The following RWDD2A variants were observed in gnomAD, a reference collection of about 807,000 sequenced individuals.
RWDD2A encodes the protein RWD domain-containing protein 2A.
Under a neutral mutation model 23.1 loss-of-function variants are expected in RWDD2A, and 15 were observed. That is an observed-to-expected ratio of 0.65 (90% CI 0.43 to 1.00). The LOEUF (loss-of-function observed/expected upper bound fraction) is 1.00. Among genes scored for constraint, RWDD2A ranks in the 50% least tolerant of loss-of-function variants. RWDD2A has a pLI of 0.00. For synonymous variants in RWDD2A, 103 were observed against 123.0 expected (o/e 0.84, Z 1.08); for missense variants, 310 against 341.7 (o/e 0.91, Z 0.73).
In RWDD2A at chr6:83,194,337, A is replaced by G; in HGVS notation, c.-115A>G. ...CTCTCGGTGCAAAGCGTTCCTGCAGAATTGCTTCCACGTAAAGGGACCTTC... is the reference window on the plus strand; with the variant it reads ...CTCTCGGTGCAAAGCGTTCCTGCAGGATTGCTTCCACGTAAAGGGACCTTC... On this transcript the variant is annotated 5_prime_UTR_variant, in exon 2 of 3. Transcript: ENST00000369724. 1 of 824,104 alleles carries G rather than the reference A, an allele frequency of 1.2e-6. No homozygotes were observed. 51.0% of individuals were successfully genotyped at this position (824,104 alleles called of 1,614,324 possible). A position where few individuals can be genotyped will look rare whatever the true frequency, so the allele number is the denominator to read the frequency against.
Position 83,195,715 on chromosome 6 carries a change from T to C in RWDD2A, c.322T>C (p.Ser108Pro), listed in dbSNP as rs1389130896. Residue 108 changes from serine to proline, a missense_variant, in exon 3 of 3, where the codon TCT becomes CCT. Ser to Pro is a moderately conservative substitution (Grantham distance 74). Coordinates refer to ENST00000369724, the MANE Select transcript of RWDD2A (RefSeq NM_033411.5). ...QQLLLNKGLT[S>P]YIGTFDPGEL... ...GCTACTTCTCAACAAAGGTCTCACTTCTTACATAGGGACTTTTGATCCAGG... is the reference window on the plus strand; with the variant it reads ...GCTACTTCTCAACAAAGGTCTCACTCCTTACATAGGGACTTTTGATCCAGG... The C allele has an allele frequency of 8.7e-6, 14 of 1,614,190 alleles. No individual in the cohort carries two copies. Among genetic ancestry groups the C allele is most frequent in the Non-Finnish European group, 1.1e-5 (13 of 1,180,044 alleles).
In RWDD2A at chr6:83,198,411, A is replaced by T. The variant is rs1278482907; in HGVS notation, c.*2139A>T. ...ACTTTTTTTCCTATCAGGAAAACTA[A>T]TGCAGATAGTATTATGGGGACGTGT... On this transcript the variant is annotated 3_prime_UTR_variant, in exon 3 of 3. Transcript: ENST00000369724. 6.6e-6 allele frequency: 1 copy of T among 152,220 alleles called. No homozygotes were observed. The highest frequency in any genetic ancestry group is 2.4e-5 in the African/African-American group (1 of 41,460). 9.4% of individuals were successfully genotyped at this position (152,220 alleles called of 1,614,324 possible). A position where few individuals can be genotyped will look rare whatever the true frequency, so the allele number is the denominator to read the frequency against.
rs1789596150 is a variant in RWDD2A at position 83,196,518 on chromosome 6, A to T, written c.*246A>T. ...TTCAAAAACTATTTCATTGTAAATTAATAAAAACAATCCATTTAACTTGTG... is the reference window on the plus strand; with the variant it reads ...TTCAAAAACTATTTCATTGTAAATTTATAAAAACAATCCATTTAACTTGTG... On this transcript the variant is annotated 3_prime_UTR_variant, in exon 3 of 3. Coordinates refer to ENST00000369724, the MANE Select transcript of RWDD2A (RefSeq NM_033411.5). The T allele has an allele frequency of 3.7e-6, 1 of 267,960 alleles. No homozygotes were observed. Among genetic ancestry groups the T allele is most frequent in the African/African-American group, 2.2e-5 (1 of 45,592 alleles). The allele number at this position is 267,960 out of a possible 1,614,324, so 16.6% of individuals were successfully genotyped here. A position where few individuals can be genotyped will look rare whatever the true frequency, so the allele number is the denominator to read the frequency against.
Position 83,195,992 on chromosome 6 carries a change from TC to T in RWDD2A, c.600del (p.Phe200LeufsTer56). The T allele has an allele frequency of 6.2e-7, 1 of 1,614,210 alleles. No individual in the cohort carries two copies. Among genetic ancestry groups the T allele is most frequent in the Non-Finnish European group, 8.5e-7 (1 of 1,180,028 alleles). On this transcript the variant is annotated frameshift_variant, in exon 3 of 3. Coordinates refer to ENST00000369724, the MANE Select transcript of RWDD2A (RefSeq NM_033411.5). LOFTEE classifies it high-confidence loss of function. ...GKPGIICVEG[F>X]KEHCEEFWHT... Reference sequence around the variant, plus strand: ...CCTGGTATAATCTGTGTGGAGGGTTTCAAAGAGCACTGTGAGGAGTTCTGGC... The same window carrying T: ...CCTGGTATAATCTGTGTGGAGGGTTTAAAGAGCACTGTGAGGAGTTCTGGC...
Position 83,195,610 on chromosome 6 carries a change from C to T in RWDD2A, c.217C>T (p.Gln73Ter), listed in dbSNP as rs771771551. Residue 73 changes from glutamine to a stop codon, truncating the protein, a stop_gained, in exon 3 of 3, where the codon CAA (glutamine) becomes TAA (stop). Transcript: ENST00000369724. LOFTEE classifies it high-confidence loss of function. Reference sequence around the variant, plus strand: ...TCATTTTAAGGTGAAAATTGATTTGCAAGTGACCATGCCTCACAGCTACCC... The same window carrying T: ...TCATTTTAAGGTGAAAATTGATTTGTAAGTGACCATGCCTCACAGCTACCC... The part of the protein sequence containing the change: ...IEEPKVKIDL[Q>*]VTMPHSYPYV... The T allele has an allele frequency of 6.2e-7, 1 of 1,607,332 alleles. No homozygotes were observed. Among genetic ancestry groups the T allele is most frequent in the Admixed American group, 1.7e-5 (1 of 59,762 alleles).
Position 83,195,744 on chromosome 6 carries a change from G to A in RWDD2A, c.351G>A (p.Glu117=). The change falls in exon 3 of 3, where the codon GAG becomes GAA. Residue 117 remains glutamate, a synonymous_variant. Coordinates refer to ENST00000369724, the MANE Select transcript of RWDD2A (RefSeq NM_033411.5). The stretch of plus-strand genomic sequence containing the variant: ...ACATAGGGACTTTTGATCCAGGTGA[G>A]CTCTGTGTATGTGCAGCAATCCAGT... ...TSYIGTFDPG[E]LCVCAAIQWL... The A allele has an allele frequency of 1.9e-6, 3 of 1,614,158 alleles. No homozygotes were observed. Among genetic ancestry groups the A allele is most frequent in the Non-Finnish European group, 2.5e-6 (3 of 1,180,038 alleles).
At position 83,193,387 on chromosome 6, in the gene RWDD2A, C is replaced by T. The variant is rs1789337758; in HGVS notation, c.-197C>T. On this transcript the variant is annotated 5_prime_UTR_variant, in exon 1 of 3. Coordinates refer to ENST00000369724, the MANE Select transcript of RWDD2A (RefSeq NM_033411.5). ...TCGCGCGCAGCTGGCGCCTGAGGAA[C>T]TGCGGCTGCGGTTCCGAGCGGGGTC... 6.6e-6 allele frequency: 1 copy of T among 152,344 alleles called. No individual in the cohort carries two copies. The highest frequency in any genetic ancestry group is 1.5e-5 in the Non-Finnish European group (1 of 68,120). The allele number at this position is 152,344 out of a possible 1,614,324, so 9.4% of individuals were successfully genotyped here. A position where few individuals can be genotyped will look rare whatever the true frequency, so the allele number is the denominator to read the frequency against.
rs1450262664 is a variant in RWDD2A, at chr6:83,193,377, G to T, written c.-207G>T. ...TCGCCGCAGGTCGCGCGCAGCTGGC[G>T]CCTGAGGAACTGCGGCTGCGGTTCC... On this transcript the variant is annotated 5_prime_UTR_variant, in exon 1 of 3. Coordinates refer to ENST00000369724, the MANE Select transcript of RWDD2A (RefSeq NM_033411.5). The T allele has an allele frequency of 6.6e-6, 1 of 152,312 alleles. No homozygotes were observed. Among genetic ancestry groups the T allele is most frequent in the Non-Finnish European group, 1.5e-5 (1 of 68,112 alleles). 9.4% of individuals were successfully genotyped at this position (152,312 alleles called of 1,614,324 possible). A position where few individuals can be genotyped will look rare whatever the true frequency, so the allele number is the denominator to read the frequency against.
rs1789652791 is a variant in RWDD2A, at chr6:83,197,881, CAG to C, written c.*1610_*1611del. 2 of 152,244 alleles carry C rather than the reference CAG, an allele frequency of 1.3e-5. No homozygotes were observed. Among genetic ancestry groups the C allele is most frequent in the African/African-American group, 4.8e-5 (2 of 41,454 alleles). The allele number at this position is 152,244 out of a possible 1,614,324, so 9.4% of individuals were successfully genotyped here. A position where few individuals can be genotyped will look rare whatever the true frequency, so the allele number is the denominator to read the frequency against. ...TCTTAGGTCACAATGAGTGTCCTCT[CAG>C]GGCACAACTCAGATCTTCAACCCAT... On this transcript the variant is annotated 3_prime_UTR_variant, in exon 3 of 3. Coordinates refer to ENST00000369724, the MANE Select transcript of RWDD2A (RefSeq NM_033411.5).
rs1343366238 is a variant in RWDD2A at position 83,198,839 on chromosome 6, T to A, written c.*2567T>A. ...TTAAGAATCTGGATATTCTGTTTATTATATTCTTAAATGGTTATTTGGAAA... is the reference window on the plus strand; with the variant it reads ...TTAAGAATCTGGATATTCTGTTTATAATATTCTTAAATGGTTATTTGGAAA... On this transcript the variant is annotated 3_prime_UTR_variant, in exon 3 of 3. Transcript: ENST00000369724. 8.0e-6 allele frequency: 1 copy of A among 125,130 alleles called. No individual in the cohort carries two copies. Among genetic ancestry groups the A allele is most frequent in the African/African-American group, 2.5e-5 (1 of 39,648 alleles). 7.8% of individuals were successfully genotyped at this position (125,130 alleles called of 1,614,324 possible).
At chr6:83,194,793 T>G in intron 2 of RWDD2A, 141 bp downstream of exon 2, 1 of 656,420 alleles carries the variant, frequency 1.5e-6, no homozygotes, top group South Asian at 2.0e-5. Context: ...CTCTATAAAT[T>G]GTCTTCAGTA....
chr6:83,194,060 G>T (rs1369056962), intron 1 of RWDD2A: 2 of 158,410 alleles, frequency 1.3e-5, no homozygotes, highest in Admixed American at 1.2e-4. Context: ...TGGAAGCCGG[G>T]CCCCAGCCTT....
At position 83,198,893 on chromosome 6, in the gene RWDD2A, CTT is replaced by C. The variant is rs766721192; in HGVS notation, c.*2625_*2626del. The C allele has an allele frequency of 1.1e-4, 16 of 152,264 alleles. No individual in the cohort carries two copies. The East Asian group carries it at 1.5e-3, about 15-fold the overall frequency. 9.4% of individuals were successfully genotyped at this position (152,264 alleles called of 1,614,324 possible). A position where few individuals can be genotyped will look rare whatever the true frequency, so the allele number is the denominator to read the frequency against. On this transcript the variant is annotated 3_prime_UTR_variant, in exon 3 of 3. Transcript: ENST00000369724. ...TGCTCATTTATAAAAGTTACAGTGT[CTT>C]TTTAAAGTTTGCTGAAGTAAATGAA...
rs1390386604 is a variant in RWDD2A, at chr6:83,194,647, C to A, written c.196C>A (p.Pro66Thr). 1 of 1,613,342 alleles carries A rather than the reference C, an allele frequency of 6.2e-7. No homozygotes were observed. Among genetic ancestry groups the A allele is most frequent in the Non-Finnish European group, 8.5e-7 (1 of 1,179,616 alleles). Residue 66 changes from proline to threonine, a missense_variant, in exon 2 of 3, where the codon CCC (proline) becomes ACC (threonine). Coordinates refer to ENST00000369724, the MANE Select transcript of RWDD2A (RefSeq NM_033411.5). ...TGTAATTACACTCCAGATTGAAGAGCCCAAGGTAGGTACCCTGATTTAAGT... is the reference window on the plus strand; with the variant it reads ...TGTAATTACACTCCAGATTGAAGAGACCAAGGTAGGTACCCTGATTTAAGT... ...EFVITLQIEE[P>T]KVKIDLQVTM...
At position 83,196,154 on chromosome 6, in the gene RWDD2A, G is replaced by T. The variant is rs774291194; in HGVS notation, c.761G>T (p.Gly254Val). 1 of 1,613,918 alleles carries T rather than the reference G, an allele frequency of 6.2e-7. No individual in the cohort carries two copies. The highest frequency in any genetic ancestry group is 1.1e-5 in the South Asian group (1 of 90,996). Residue 254 changes from glycine (G) to valine (V), a missense_variant, in exon 3 of 3, where the codon GGA becomes GTA. Gly to Val is a moderately radical substitution (Grantham distance 109). Coordinates refer to ENST00000369724, the MANE Select transcript of RWDD2A (RefSeq NM_033411.5). ...ELLLEAHGDY[G>V]LRNDYHMNLG... ...CTCCTTGAGGCTCATGGTGACTATG[G>T]ATTAAGGAATGACTATCACATGAAT...
chr6:83,198,934 T>C lies in RWDD2A; in HGVS notation c.*2662T>C, dbSNP rs1294039421. On this transcript the variant is annotated 3_prime_UTR_variant, in exon 3 of 3. Transcript: ENST00000369724. ...GAAGTAAATGAAGCATATCGTCAAGTATGTTCTTTGCTTTTCATTCCTTAC... is the reference window on the plus strand; with the variant it reads ...GAAGTAAATGAAGCATATCGTCAAGCATGTTCTTTGCTTTTCATTCCTTAC... The C allele has an allele frequency of 6.6e-6, 1 of 152,248 alleles. No individual in the cohort carries two copies. Among genetic ancestry groups the C allele is most frequent in the Admixed American group, 6.5e-5 (1 of 15,292 alleles). The allele number at this position is 152,248 out of a possible 1,614,324, so 9.4% of individuals were successfully genotyped here. A position where few individuals can be genotyped will look rare whatever the true frequency, so the allele number is the denominator to read the frequency against.
Position 83,197,743 on chromosome 6 carries a change from C to G in RWDD2A, c.*1471C>G, listed in dbSNP as rs571158976. ...GATGAAACTACCATCTGGTTTTACC[C>G]TCTGTGCCGTGGATGCAGACGTGTC... On this transcript the variant is annotated 3_prime_UTR_variant, in exon 3 of 3. Transcript: ENST00000369724. The G allele has an allele frequency of 3.9e-4, 60 of 152,480 alleles. No individual in the cohort carries two copies. Among genetic ancestry groups the G allele is most frequent in the African/African-American group, 1.3e-3 (56 of 41,596 alleles). The allele number at this position is 152,480 out of a possible 1,614,324, so 9.4% of individuals were successfully genotyped here. A position where few individuals can be genotyped will look rare whatever the true frequency, so the allele number is the denominator to read the frequency against.
rs1285523138 is a variant in RWDD2A at position 83,197,740 on chromosome 6, A to G, written c.*1468A>G. Reference sequence around the variant, plus strand: ...TCTGATGAAACTACCATCTGGTTTTACCCTCTGTGCCGTGGATGCAGACGT... The same window carrying G: ...TCTGATGAAACTACCATCTGGTTTTGCCCTCTGTGCCGTGGATGCAGACGT... On this transcript the variant is annotated 3_prime_UTR_variant, in exon 3 of 3. Coordinates refer to ENST00000369724, the MANE Select transcript of RWDD2A (RefSeq NM_033411.5). The G allele has an allele frequency of 6.6e-6, 1 of 152,288 alleles. No homozygotes were observed. The highest frequency in any genetic ancestry group is 1.5e-5 in the Non-Finnish European group (1 of 68,132). 9.4% of individuals were successfully genotyped at this position (152,288 alleles called of 1,614,324 possible).
In RWDD2A at chr6:83,198,404, A is replaced by AAAAC. The variant is rs1200147846; in HGVS notation, c.*2133_*2136dup. ...CTGCAATACTTTTTTTCCTATCAGG[A>AAAAC]AAACTAATGCAGATAGTATTATGGG... On this transcript the variant is annotated 3_prime_UTR_variant, in exon 3 of 3. Coordinates refer to ENST00000369724, the MANE Select transcript of RWDD2A (RefSeq NM_033411.5). The AAAAC allele has an allele frequency of 6.6e-6, 1 of 152,198 alleles. No individual in the cohort carries two copies. The highest frequency in any genetic ancestry group is 1.9e-4 in the East Asian group (1 of 5,204). 9.4% of individuals were successfully genotyped at this position (152,198 alleles called of 1,614,324 possible). A position where few individuals can be genotyped will look rare whatever the true frequency, so the allele number is the denominator to read the frequency against.
Sources: allele counts gnomAD v4.1 joint callset, GRCh38; gene constraint gnomAD v4.1.1; transcripts MANE v1.5; gene names NCBI Gene and HGNC (gene_info 2026-07-23, HGNC 2026-07-21).